The following SEC24A variants were observed in gnomAD, a reference collection of about 807,000 sequenced individuals.
The protein encoded by SEC24A is protein transport protein Sec24A.
Under a neutral mutation model 129.4 loss-of-function variants are expected in SEC24A, and 93 were observed. That is an observed-to-expected ratio of 0.72 (90% CI 0.61 to 0.85). The LOEUF is 0.85. SEC24A is among the 40% of genes least tolerant of loss of function. The pLI, the probability that SEC24A is intolerant of heterozygous loss-of-function variation, is 0.00. For missense variants in SEC24A, 1,264 were observed against 1,307.4 expected (o/e 0.97, Z 0.51); for synonymous variants, 460 against 467.3 (o/e 0.98, Z 0.20).
Position 134,718,148 on chromosome 5 carries a change from G to A in SEC24A, c.2945G>A (p.Gly982Glu). The A allele has an allele frequency of 1.9e-6, 3 of 1,614,000 alleles. No individual in the cohort carries two copies. The highest frequency in any genetic ancestry group is 2.5e-6 in the Non-Finnish European group (3 of 1,179,908). The change falls in exon 20 of 23, where the codon GGA becomes GAA. Residue 982 changes from glycine (G) to glutamate (E), a missense_variant. Gly to Glu is a moderately conservative substitution (Grantham distance 98). Transcript: ENST00000398844. ...QLSVEKLSRD[G>E]AFLMDAGSVL... ...TCAGTGGAGAAGCTGAGCAGAGATG[G>A]AGCTTTCCTCATGGATGCAGGCTCT...
At position 134,725,141 on chromosome 5, in the gene SEC24A, C is replaced by T; in HGVS notation, c.*47C>T. 1 of 928,794 alleles carries T rather than the reference C, an allele frequency of 1.1e-6. No individual in the cohort carries two copies. Among genetic ancestry groups the T allele is most frequent in the Non-Finnish European group, 1.8e-6 (1 of 571,384 alleles). The allele number at this position is 928,794 out of a possible 1,614,324, so 57.5% of individuals were successfully genotyped here. A position where few individuals can be genotyped will look rare whatever the true frequency, so the allele number is the denominator to read the frequency against. On this transcript the variant is annotated 3_prime_UTR_variant, in exon 23 of 23. Coordinates refer to ENST00000398844, the MANE Select transcript of SEC24A (RefSeq NM_021982.3). The stretch of plus-strand genomic sequence containing the variant: ...ATTTTTAAGGAATGTCACGATAGTG[C>T]AGAATACCTGGAAATGTGTAATACC...
chr5:134,693,290 T>C, intron 12 of SEC24A: 1 of 1,408,846 alleles, frequency 7.1e-7, no homozygotes, highest in Non-Finnish European at 9.2e-7. Context: ...GGTAGTTGTT[T>C]TTCTTTTGTA....
intron 21 of SEC24A, among the ~76,000 whole-genome samples, chr5:134,721,705 C>G (rs1406919734): frequency 6.6e-6 from 1 of 151,996 alleles, no homozygotes; most frequent in Non-Finnish European, 1.5e-5. Context: ...GACCCCATAA[C>G]TACAGAACAT....
intron 9 of SEC24A, among the ~76,000 whole-genome samples, chr5:134,685,757 C>T (rs1036704484): frequency 1.1e-4 from 17 of 152,028 alleles, no homozygotes; most frequent in South Asian, 2.1e-4. Flanking sequence ...GCAGCGAAGG[C>T]GGGCGGATCA....
intron 15 of SEC24A, among the ~76,000 whole-genome samples, chr5:134,702,626 T>G (rs983439863): frequency 3.3e-5 from 5 of 152,230 alleles, no homozygotes; most frequent in African/African-American, 1.2e-4. Flanking sequence ...ACATATTGTA[T>G]GTATTTTTAT....
chr5:134,652,474 C>G (rs991583464), intron 1 of SEC24A, among the ~76,000 whole-genome samples: 4 of 151,394 alleles, frequency 2.6e-5, no homozygotes, highest in African/African-American at 9.7e-5. Flanking sequence ...TTAGTAGAGA[C>G]GGGGTTTCGC....
intron 1 of SEC24A, among the ~76,000 whole-genome samples, chr5:134,656,641 C>T (rs772473949): frequency 1.3e-5 from 2 of 151,908 alleles, no homozygotes; most frequent in African/African-American, 2.4e-5. Flanking sequence ...CCACCATGCC[C>T]GGCTAATTTT....
Position 134,705,413 on chromosome 5 carries a change from A to G in SEC24A, c.2527A>G (p.Ile843Val), listed in dbSNP as rs758624328. 7.1e-5 allele frequency: 115 copies of G among 1,612,194 alleles called. No homozygotes were observed. The highest frequency in any genetic ancestry group is 8.7e-5 in the Non-Finnish European group (103 of 1,178,804). The change falls in exon 17 of 23, where the codon ATT becomes GTT. Residue 843 changes from isoleucine (I) to valine (V), a missense_variant. Coordinates refer to ENST00000398844, the MANE Select transcript of SEC24A (RefSeq NM_021982.3). ...DVFLGADVQA[I>V]SGLLANMAVD... ...CTTTCTTGGAGCTGATGTTCAAGCA[A>G]TTTCAGGGTTATTGGCCAATATGGG...
At chr5:134,691,368 C>T (rs1751644425) in intron 11 of SEC24A, among the ~76,000 whole-genome samples, 1 of 149,470 alleles carries the variant, frequency 6.7e-6, no homozygotes, top group South Asian at 2.1e-4. Flanking sequence ...AGGGTTTCAC[C>T]ATCTTGGCCA....
chr5:134,652,501 G>T (rs1328108321), intron 1 of SEC24A, among the ~76,000 whole-genome samples: 2 of 151,540 alleles, frequency 1.3e-5, no homozygotes, highest in Non-Finnish European at 2.9e-5. Context: ...GCCCAGGCTG[G>T]TCTCGAACTC....
intron 1 of SEC24A, among the ~76,000 whole-genome samples, chr5:134,656,418 C>A (rs1034903664): frequency 6.6e-6 from 1 of 152,054 alleles, no homozygotes; most frequent in African/African-American, 2.4e-5. Context: ...ACTTAGATTT[C>A]TTGGTGGCAC....
At chr5:134,708,933 C>T (rs186607156) in intron 18 of SEC24A, 45 bp downstream of exon 18, 3 of 1,560,816 alleles carry the variant, frequency 1.9e-6, no homozygotes, top group Admixed American at 1.8e-5. Context: ...TGGCCAGGCA[C>T]TGTGGCCTAC....
intron 17 of SEC24A, among the ~76,000 whole-genome samples, 181 bp from the exon 18 acceptor site, chr5:134,708,532 C>T (rs139227298): frequency 3.4e-4 from 51 of 151,992 alleles, no homozygotes; most frequent in Admixed American, 1.1e-3. Flanking sequence ...AGCATTTCAA[C>T]AGAGGTTGGC....
intron 18 of SEC24A, among the ~76,000 whole-genome samples, chr5:134,709,605 G>A (rs1281312853): frequency 6.6e-6 from 1 of 152,178 alleles, no homozygotes; most frequent in Non-Finnish European, 1.5e-5. Context: ...GGTTACTAGA[G>A]GCTGGGTGGT....
At chr5:134,718,305 C>CCTG in intron 20 of SEC24A, 132 bp downstream of exon 20, 1 of 596,386 alleles carries the variant, frequency 1.7e-6, no homozygotes, top group Non-Finnish European at 3.0e-6. Context: ...CAGTCGTACA[C>CCTG]TGATTAATGA....
intron 13 of SEC24A, 70 bp from the exon 14 acceptor site, chr5:134,697,056 G>A: frequency 2.3e-6 from 2 of 857,648 alleles, no homozygotes; most frequent in Non-Finnish European, 3.6e-6. Context: ...GATGTATGTA[G>A]ATGTGTATTT....
rs1412217889 is a variant in SEC24A at position 134,692,787 on chromosome 5, C to G, written c.1779+130C>G. ...AGATGTGTAGCATTTTATATTTGCTCTTATAATTAGATGAACAGCTCTTGA... is the reference window on the plus strand; with the variant it reads ...AGATGTGTAGCATTTTATATTTGCTGTTATAATTAGATGAACAGCTCTTGA... On this transcript the variant is annotated intron_variant, in intron 12 of 22. Transcript: ENST00000398844. 7 of 738,576 alleles carry G rather than the reference C, an allele frequency of 9.5e-6. No individual in the cohort carries two copies. The Admixed American group carries it at 1.5e-4, about 16-fold the overall frequency. 45.8% of individuals were successfully genotyped at this position (738,576 alleles called of 1,614,324 possible). A position where few individuals can be genotyped will look rare whatever the true frequency, so the allele number is the denominator to read the frequency against.
At chr5:134,678,770 C>T (rs1429167993) in intron 7 of SEC24A, among the ~76,000 whole-genome samples, 5 of 152,134 alleles carry the variant, frequency 3.3e-5, no homozygotes, top group East Asian at 1.9e-4. Context: ...TTAGTATAGA[C>T]GAGGTTTCAC....
At chr5:134,676,900 C>G (rs1751086719) in intron 7 of SEC24A, among the ~76,000 whole-genome samples, 1 of 152,092 alleles carries the variant, frequency 6.6e-6, no homozygotes, top group Non-Finnish European at 1.5e-5. Context: ...TAAACACTTT[C>G]AAATACTAGG....
Sources: gnomAD v4.1 joint callset for allele counts (sites outside exome capture counted in the v4.1 genomes callset) on GRCh38, gnomAD v4.1.1 for gene constraint, MANE v1.5 for transcripts, NCBI Gene and HGNC (gene_info 2026-07-23, HGNC 2026-07-21) for gene names.